Variants in PCDHGA1 observed in about 807,000 individuals in gnomAD.
PCDHGA1 encodes the protein protocadherin gamma subfamily A, 1, also known as protocadherin gamma-A1.
In PCDHGA1, 32 loss-of-function variants were observed where a neutral mutation model predicts 58.0. That is an observed-to-expected ratio of 0.55 (90% confidence interval 0.42 to 0.74). The LOEUF (loss-of-function observed/expected upper bound fraction) is 0.74. Among genes scored for constraint, PCDHGA1 ranks in the 30% least tolerant of loss-of-function variants. The probability of loss-of-function intolerance (pLI) is 0.00; values close to 1 mark genes in which losing one functional copy is unlikely to be tolerated. For synonymous variants in PCDHGA1, 498 were observed against 501.1 expected, an observed-to-expected ratio of 0.99 and a Z score of 0.08; for missense variants, 1,205 against 1,182.3, an observed-to-expected ratio of 1.02 and a Z score of -0.28.
chr5:141,365,893 C>G, intron 1 of PCDHGA1: 3 of 1,614,190 alleles, frequency 1.9e-6, no homozygotes, highest in Admixed American at 1.7e-5. Flanking sequence ...GATCCTTCGA[C>G]TATGAGCAGT....
In PCDHGA1 at chr5:141,490,390, G is replaced by C. The variant is rs2099699651; in HGVS notation, c.2422-4417G>C. The C allele has an allele frequency of 6.2e-7, 1 of 1,614,074 alleles. No individual in the cohort carries two copies. The highest frequency in any genetic ancestry group is 8.5e-7 in the Non-Finnish European group (1 of 1,180,040). On this transcript the variant is annotated intron_variant, in intron 1 of 3. Coordinates refer to ENST00000517417, the MANE Select transcript of PCDHGA1 (RefSeq NM_018912.3). This position sits in a 1 kb window ranked among gnomAD's most constrained non-coding sequence, Gnocchi z 5.4. ...AGACCGGGACTCAGGTAGAAATGGT[G>C]AAGTGAGCCTTGATATCTCTCCGGA... is the stretch of plus-strand genomic sequence containing the variant.
chr5:141,362,172 G>T (rs576630104), intron 1 of PCDHGA1: 108 of 1,613,978 alleles, frequency 6.7e-5, no homozygotes, highest in Middle Eastern at 4.9e-4. Flanking sequence ...GCGACCGCCG[G>T]GAGCCCTCTG....
intron 1 of PCDHGA1, chr5:141,398,970 C>G (rs1320199481): frequency 6.2e-7 from 1 of 1,613,958 alleles, no homozygotes; most frequent in South Asian, 1.1e-5. Flanking sequence ...CTTATTCCTT[C>G]TACAGAACCG....
Position 141,330,960 on chromosome 5 carries a change from G to T in PCDHGA1, c.276G>T (p.Arg92=). The change falls in exon 1 of 4, where the codon CGG becomes CGT. Residue 92 remains arginine (R), a synonymous_variant. Coordinates refer to ENST00000517417, the MANE Select transcript of PCDHGA1 (RefSeq NM_018912.3). ...TGATCACCGCGCGCAGGATAGACCG[G>T]GAGGAGCTCTGCGCTCAGAGCATGC... is the stretch of plus-strand genomic sequence containing the variant. ...GSLITARRID[R]EELCAQSMPC... is the part of the protein sequence containing the mutation. The T allele has an allele frequency of 6.2e-7, 1 of 1,614,176 alleles. No individual in the cohort carries two copies.
chr5:141,478,633 TGATGAA>T, intron 1 of PCDHGA1: 4 of 1,553,032 alleles, frequency 2.6e-6, no homozygotes, highest in Non-Finnish European at 3.5e-6. Flanking sequence ...GTTTTTTTAG[TGATGAA>T]GATGTTTTCC....
At chr5:141,435,875 T>C (rs1324511823) in intron 1 of PCDHGA1, among the ~76,000 whole-genome samples, 1 of 152,100 alleles carries the variant, frequency 6.6e-6, no homozygotes, top group African/African-American at 2.4e-5. Flanking sequence ...AGAAAAGAGA[T>C]TGGAAACCCC....
At chr5:141,419,151 C>A in intron 1 of PCDHGA1, 1 of 1,613,918 alleles carries the variant, frequency 6.2e-7, no homozygotes. Context: ...GGCAAGCCTC[C>A]GTTATCCTCC....
chr5:141,508,062 C>T (rs910730855), intron 3 of PCDHGA1: 2 of 152,316 alleles, frequency 1.3e-5, no homozygotes, highest in African/African-American at 4.8e-5. Flanking sequence ...TAATCAGCCT[C>T]CTTGGGCTAC....
At position 141,494,925 on chromosome 5, in the gene PCDHGA1, G is replaced by A. The variant is rs936071950; in HGVS notation, c.2480+60G>A. On this transcript the variant is annotated intron_variant, in intron 2 of 3. Coordinates refer to ENST00000517417, the MANE Select transcript of PCDHGA1 (RefSeq NM_018912.3). ...TGCGGCATTTTCTCAGGGATGACGT[G>A]GGAGGAGATGGGGGAGGGCCCAGCA... is the stretch of plus-strand genomic sequence containing the variant. The A allele has an allele frequency of 3.3e-4, 525 of 1,613,316 alleles. 2 individuals carry two copies. Among genetic ancestry groups the A allele is most frequent in the Admixed American group, 4.7e-4 (28 of 59,956 alleles).
chr5:141,497,211 G>C (rs914346878), intron 2 of PCDHGA1, among the ~76,000 whole-genome samples: 19 of 28,538 alleles, frequency 6.7e-4, no homozygotes, highest in African/African-American at 2.3e-3. Flanking sequence ...GAGTGTAATG[G>C]GGGGGGGAAG....
At chr5:141,422,375 TCTC>T in intron 1 of PCDHGA1, 1 of 1,570,814 alleles carries the variant, frequency 6.4e-7, no homozygotes, top group Non-Finnish European at 8.6e-7. Context: ...AATGGTCAAG[TCTC>T]CTGTTTTATT....
At chr5:141,384,280 A>G (rs1779919886) in intron 1 of PCDHGA1, 2 of 1,613,714 alleles carry the variant, frequency 1.2e-6, no homozygotes, top group Non-Finnish European at 1.7e-6. Context: ...CTCAGTCTAC[A>G]TCGCTGAGAA....
intron 1 of PCDHGA1, chr5:141,383,974 GAC>G: frequency 6.2e-7 from 1 of 1,613,818 alleles, no homozygotes; most frequent in Non-Finnish European, 8.5e-7. Flanking sequence ...AATCCCTGAA[GAC>G]ACACCTCTTG....
intron 1 of PCDHGA1, chr5:141,427,607 T>C (rs1157037825): frequency 1.5e-6 from 1 of 688,594 alleles, no homozygotes; most frequent in Non-Finnish European, 2.7e-6. Context: ...TACGCATTGG[T>C]GAAGTCAACG....
chr5:141,409,753 G>T, intron 1 of PCDHGA1: 1 of 1,613,006 alleles, frequency 6.2e-7, no homozygotes. Context: ...TGTTCGCGCA[G>T]CGCGCCTTTG....
chr5:141,476,382 A>G lies in PCDHGA1; in HGVS notation c.2422-18425A>G, dbSNP rs777831089. ...CGGGAGACCGGAGAGATGTTTGTGA[A>G]CGACCGTCTGGATCGAGAGGAGCTG... On this transcript the variant is annotated intron_variant, in intron 1 of 3. Transcript: ENST00000517417. This position sits in a 1 kb window ranked among gnomAD's most constrained non-coding sequence, Gnocchi z 7.6. 3.7e-6 allele frequency: 6 copies of G among 1,613,866 alleles called. No individual in the cohort carries two copies. The East Asian group carries it at 1.3e-4, about 36-fold the overall frequency.
At chr5:141,418,891 C>T in intron 1 of PCDHGA1, 2 of 1,613,842 alleles carry the variant, frequency 1.2e-6, no homozygotes, top group South Asian at 2.2e-5. Flanking sequence ...ACGACAACAG[C>T]CCAGAAATAA....
chr5:141,410,489 G>A, intron 1 of PCDHGA1: 3 of 1,613,972 alleles, frequency 1.9e-6, no homozygotes, highest in Non-Finnish European at 1.7e-6. Context: ...GGGTACAAAA[G>A]AGTTTAATTT....
intron 1 of PCDHGA1, among the ~76,000 whole-genome samples, chr5:141,401,296 C>G (rs2094138441): frequency 6.6e-6 from 1 of 152,104 alleles, no homozygotes; most frequent in African/African-American, 2.4e-5. Flanking sequence ...GAGCCGAGAT[C>G]ACTCCATTGC....
Sources: allele counts gnomAD v4.1 joint callset (sites outside exome capture counted in the v4.1 genomes callset), GRCh38; gene constraint gnomAD v4.1.1; non-coding constraint Gnocchi (gnomAD v3.1); transcripts MANE v1.5; gene names NCBI Gene and HGNC (gene_info 2026-07-23, HGNC 2026-07-21).